Variants in FOXN3 observed in about 807,000 individuals in gnomAD.
FOXN3 encodes the protein forkhead box N3.
FOXN3 carries 7 observed loss-of-function variants against 38.4 expected under a neutral mutation model. That is an observed-to-expected ratio of 0.18 (90% CI 0.10 to 0.34). The LOEUF (loss-of-function observed/expected upper bound fraction) is 0.34, where lower values mean the gene tolerates loss of function less well. FOXN3 is among the 10% of genes least tolerant of loss of function. The probability of loss-of-function intolerance (pLI) is 1.00; values close to 1 mark genes in which losing one functional copy is unlikely to be tolerated. For synonymous variants in FOXN3, 230 were observed against 242.2 expected (o/e 0.95, Z 0.47); for missense variants, 456 against 613.4 (o/e 0.74, Z 2.71).
chr14:89,266,816 A>G (rs1885993827), intron 4 of FOXN3, among the ~76,000 whole-genome samples: 1 of 152,166 alleles, frequency 6.6e-6, no homozygotes, highest in South Asian at 2.1e-4. Flanking sequence ...CAATATGGTC[A>G]ACTGTGCACT....
chr14:89,574,797 C>T (rs1268006679), intron 1 of FOXN3, among the ~76,000 whole-genome samples: 1 of 152,170 alleles, frequency 6.6e-6, no homozygotes, highest in Non-Finnish European at 1.5e-5. Flanking sequence ...CCAAGCTTAT[C>T]TAGACATGCA....
At chr14:89,272,011 T>C (rs4899973) in intron 4 of FOXN3, among the ~76,000 whole-genome samples, 56,929 of 152,152 alleles carry the variant, frequency 0.37, 11,336 homozygotes, top group Middle Eastern at 0.48. Flanking sequence ...ATAAGGCTAG[T>C]ACAAAGAAAT....
chr14:89,254,909 CGCACTTAGCA>C (rs1308068456), intron 4 of FOXN3, among the ~76,000 whole-genome samples: 6 of 152,240 alleles, frequency 3.9e-5, no homozygotes, highest in African/African-American at 1.2e-4. Flanking sequence ...CCACTAACGA[CGCACTTAGCA>C]GCACTTAGCA....
chr14:89,407,813 A>C (rs369737888), intron 2 of FOXN3, among the ~76,000 whole-genome samples: 2 of 152,224 alleles, frequency 1.3e-5, no homozygotes, highest in South Asian at 2.1e-4. Context: ...CCTGGTCAAC[A>C]GAGTGAAACC....
intron 1 of FOXN3, among the ~76,000 whole-genome samples, chr14:89,522,231 C>G (rs1894335432): frequency 6.6e-6 from 1 of 151,768 alleles, no homozygotes; most frequent in African/African-American, 2.4e-5. Context: ...GAAATAAAGG[C>G]TTTCAGATGA....
intron 1 of FOXN3, among the ~76,000 whole-genome samples, chr14:89,448,461 TC>T (rs1892554531): frequency 6.6e-6 from 1 of 151,886 alleles, no homozygotes; most frequent in East Asian, 1.9e-4. Flanking sequence ...CACCACACCA[TC>T]CTGTACACAA....
chr14:89,220,082 GC>G (rs1192117813), intron 4 of FOXN3, among the ~76,000 whole-genome samples: 1 of 152,110 alleles, frequency 6.6e-6, no homozygotes, highest in Non-Finnish European at 1.5e-5. Context: ...CTTTTTGCAA[GC>G]CACACCTTCC....
intron 3 of FOXN3, among the ~76,000 whole-genome samples, chr14:89,333,770 A>C (rs867111642): frequency 0.027 from 3,777 of 140,948 alleles, 232 homozygotes; most frequent in African/African-American, 0.09. Flanking sequence ...AAAAAAAAAA[A>C]AAAAAACAGA....
At chr14:89,198,265 C>A (rs753311463) in intron 4 of FOXN3, among the ~76,000 whole-genome samples, 1 of 152,098 alleles carries the variant, frequency 6.6e-6, no homozygotes, top group Non-Finnish European at 1.5e-5. Flanking sequence ...CATTGTATGA[C>A]GTATTATAAG....
At chr14:89,612,525 G>A (rs1896412955) in intron 1 of FOXN3, among the ~76,000 whole-genome samples, 1 of 152,186 alleles carries the variant, frequency 6.6e-6, no homozygotes, top group Non-Finnish European at 1.5e-5. Flanking sequence ...GCTGGGTGTG[G>A]TGGCTCACAC....
chr14:89,174,033 C>T (rs368585662), intron 5 of FOXN3, among the ~76,000 whole-genome samples: 1 of 151,880 alleles, frequency 6.6e-6, no homozygotes, highest in African/African-American at 2.4e-5. Context: ...AGTAGCCTCC[C>T]CAAACTGTAA....
intron 2 of FOXN3, among the ~76,000 whole-genome samples, chr14:89,367,802 C>T (rs917511949): frequency 1.3e-5 from 2 of 151,678 alleles, no homozygotes; most frequent in Non-Finnish European, 2.9e-5. Flanking sequence ...AGTGGCTGTC[C>T]AGAGAGCCAG....
chr14:89,505,466 G>A (rs1348847642), intron 1 of FOXN3, among the ~76,000 whole-genome samples: 13 of 152,076 alleles, frequency 8.5e-5, no homozygotes, highest in African/African-American at 2.7e-4. Context: ...TGGTGGAGAC[G>A]GGGTTTCGCT....
At chr14:89,426,508 C>A (rs1566652305) in intron 1 of FOXN3, among the ~76,000 whole-genome samples, 1 of 151,920 alleles carries the variant, frequency 6.6e-6, no homozygotes, top group Non-Finnish European at 1.5e-5. Context: ...AAGGCCTGAG[C>A]CACCATGCCC....
At chr14:89,222,125 T>G (rs1309163507) in intron 4 of FOXN3, among the ~76,000 whole-genome samples, 1 of 152,216 alleles carries the variant, frequency 6.6e-6, no homozygotes, top group East Asian at 1.9e-4. Context: ...CTACACAATC[T>G]TTTCTTGAGA....
At chr14:89,264,910 C>A (rs1885922891) in intron 4 of FOXN3, among the ~76,000 whole-genome samples, 1 of 152,206 alleles carries the variant, frequency 6.6e-6, no homozygotes. Flanking sequence ...CTGATGATAA[C>A]AACAGCTTCC....
At chr14:89,303,785 G>A (rs764658346) in intron 3 of FOXN3, among the ~76,000 whole-genome samples, 20 of 152,120 alleles carry the variant, frequency 1.3e-4, no homozygotes, top group Non-Finnish European at 2.4e-4. Flanking sequence ...TCTATACATC[G>A]CCTTCTTCTC....
At chr14:89,333,966 G>GTATATATATATATA (rs71130055) in intron 3 of FOXN3, among the ~76,000 whole-genome samples, 8 of 131,552 alleles carry the variant, frequency 6.1e-5, no homozygotes, top group African/African-American at 2.3e-4. Flanking sequence ...AATGTGGTGT[G>GTATATATATATATA]TATATATATA....
intron 1 of FOXN3, among the ~76,000 whole-genome samples, chr14:89,614,925 C>T (rs987769608): frequency 1.3e-5 from 2 of 152,176 alleles, no homozygotes; most frequent in Admixed American, 1.3e-4. Context: ...CATTTATTTT[C>T]CTTTAAAGAA....
Sources: allele counts gnomAD v4.1 joint callset (sites outside exome capture counted in the v4.1 genomes callset), GRCh38; gene constraint gnomAD v4.1.1; transcripts MANE v1.5; gene names NCBI Gene and HGNC (gene_info 2026-07-23, HGNC 2026-07-21).